The following TRPC3 variants were observed in gnomAD, a reference collection of about 807,000 sequenced individuals.
TRPC3 encodes the protein short transient receptor potential channel 3.
Under a neutral mutation model 90.9 loss-of-function variants are expected in TRPC3, and 54 were observed. The observed-to-expected ratio is 0.59, with a 90% CI of 0.48 to 0.75. The LOEUF (loss-of-function observed/expected upper bound fraction) is 0.75. Among genes scored for constraint, TRPC3 ranks in the 30% least tolerant of loss-of-function variants. The pLI, the probability that TRPC3 is intolerant of heterozygous loss-of-function variation, is 0.00. For missense variants in TRPC3, 918 were observed against 1,194.5 expected, an observed-to-expected ratio of 0.77 and a Z score of 3.41; for synonymous variants, 424 against 450.9, an observed-to-expected ratio of 0.94 and a Z score of 0.75.
chr4:121,879,966 A>G lies in TRPC3; in HGVS notation c.2624-88T>C. 3.1e-6 allele frequency: 4 copies of G among 1,310,050 alleles called. No individual in the cohort carries two copies. In the South Asian group the frequency reaches 6.8e-5, roughly 22 times the overall value. 81.2% of individuals were successfully genotyped at this position (1,310,050 alleles called of 1,614,324 possible). A position where few individuals can be genotyped will look rare whatever the true frequency, so the allele number is the denominator to read the frequency against. ...AGTGAAATTCTTACAATATCAATGT[A>G]TTTGCTTCATAAGGTCTCCAAGGTA... On this transcript the variant is annotated intron_variant, in intron 11 of 11. Coordinates refer to ENST00000379645, the MANE Select transcript of TRPC3 (RefSeq NM_001130698.2).
At chr4:121,921,935 T>TC (rs1302529384) in intron 3 of TRPC3, among the ~76,000 whole-genome samples, 2 of 149,524 alleles carry the variant, frequency 1.3e-5, no homozygotes, top group Admixed American at 6.6e-5. Context: ...TTTTTTTTTT[T>TC]CGAGTCGGAG....
At chr4:121,917,933 G>A (rs1729372515) in intron 3 of TRPC3, among the ~76,000 whole-genome samples, 1 of 152,202 alleles carries the variant, frequency 6.6e-6, no homozygotes, top group Non-Finnish European at 1.5e-5. Flanking sequence ...AGGTGGGCAT[G>A]TGTCTATATG....
At chr4:121,933,243 AG>A in intron 1 of TRPC3, 1 of 1,140,432 alleles carries the variant, frequency 8.8e-7, no homozygotes, top group Non-Finnish European at 1.1e-6. Context: ...AGATCCCAGA[AG>A]GAAGCCGGCA....
chr4:121,938,914 C>T (rs1321643833), intron 1 of TRPC3, among the ~76,000 whole-genome samples: 1 of 152,092 alleles, frequency 6.6e-6, no homozygotes, highest in African/African-American at 2.4e-5. Context: ...AGTCGAGACT[C>T]GTCTGTATGA....
chr4:121,902,974 T>C lies in TRPC3; in HGVS notation c.2341A>G (p.Ser781Gly), dbSNP rs1728753980. Residue 781 changes from serine to glycine, a missense_variant, in exon 9 of 12, where the codon AGT becomes GGT. Ser to Gly is a moderately conservative substitution (Grantham distance 56). Coordinates refer to ENST00000379645, the MANE Select transcript of TRPC3 (RefSeq NM_001130698.2). The part of the protein sequence containing the change: ...DDGKTLPPPF[S>G]LVPSPKSFVY... ...AATGATTTTGGACTAGGAACTAGAC[T>C]GAAAGGTGGAGGTAATGTTTTTCCA... is the stretch of plus-strand genomic sequence containing the variant. 6.2e-7 allele frequency: 1 copy of C among 1,613,552 alleles called. No individual in the cohort carries two copies. The highest frequency in any genetic ancestry group is 2.2e-5 in the East Asian group (1 of 44,814).
Position 121,918,927 on chromosome 4 carries a change from T to C in TRPC3, c.1177-3983A>G, listed in dbSNP as rs113963389. ...GGCAGTGACCTTTATACCTGAAAAGTGTTTTACCTCCTGAAAAATCTCCTT... is the reference window on the plus strand; with the variant it reads ...GGCAGTGACCTTTATACCTGAAAAGCGTTTTACCTCCTGAAAAATCTCCTT... On this transcript the variant is annotated intron_variant, in intron 3 of 11. Coordinates refer to ENST00000379645, the MANE Select transcript of TRPC3 (RefSeq NM_001130698.2). Among the ~76,000 whole-genome samples the C allele has an allele frequency of 8.6e-3, 1,311 of 152,362 alleles. 15 individuals are homozygous for C. The highest frequency in any genetic ancestry group is 0.029 in the African/African-American group (1,195 of 41,582).
In TRPC3 at chr4:121,951,538, T is replaced by A; in HGVS notation, c.143A>T (p.Glu48Val). The change falls in exon 1 of 12, where the codon GAG becomes GTG. Residue 48 changes from glutamate to valine, a missense_variant. Coordinates refer to ENST00000379645, the MANE Select transcript of TRPC3 (RefSeq NM_001130698.2). This position sits in a 1 kb window ranked among gnomAD's most constrained non-coding sequence, Gnocchi z 4.4. Reference protein sequence around the residue: ...RGWRGVNGGLEPRSAPSQREP... With the variant: ...RGWRGVNGGLVPRSAPSQREP... The stretch of plus-strand genomic sequence containing the variant: ...CCGCTGCGAGGGCGCCGAGCGCGGC[T>A]CCAGCCCCCCGTTGACGCCCCTCCA... 1 of 1,415,934 alleles carries A rather than the reference T, an allele frequency of 7.1e-7. No homozygotes were observed. The highest frequency in any genetic ancestry group is 9.2e-7 in the Non-Finnish European group (1 of 1,082,830). 87.7% of individuals were successfully genotyped at this position (1,415,934 alleles called of 1,614,324 possible).
rs1730763472 is a variant in TRPC3, at chr4:121,951,616, T to A, written c.65A>T (p.Glu22Val). The change falls in exon 1 of 12, where the codon GAG (glutamate) becomes GTG (valine). Residue 22 changes from glutamate to valine, a missense_variant. This residue lies in a region of TRPC3 where 609 missense variants were observed against 725.9 expected (regional missense o/e 0.84). Coordinates refer to ENST00000379645, the MANE Select transcript of TRPC3 (RefSeq NM_001130698.2). This position sits in a 1 kb window ranked among gnomAD's most constrained non-coding sequence, Gnocchi z 4.4. ...ARVTFPAPEE[E>V]EDEGEDEGAE... is the part of the protein sequence containing the mutation. ...GCCCTCGTCCTCGCCCTCGTCTTCCTCCTCCTCCGGCGCCGGGAAGGTCAC... is the reference window on the plus strand; with the variant it reads ...GCCCTCGTCCTCGCCCTCGTCTTCCACCTCCTCCGGCGCCGGGAAGGTCAC... The A allele has an allele frequency of 4.9e-6, 7 of 1,438,730 alleles. No individual in the cohort carries two copies. In the African/African-American group the frequency reaches 8.9e-5, roughly 18 times the overall value. 89.1% of individuals were successfully genotyped at this position (1,438,730 alleles called of 1,614,324 possible). A position where few individuals can be genotyped will look rare whatever the true frequency, so the allele number is the denominator to read the frequency against.
intron 8 of TRPC3, among the ~76,000 whole-genome samples, chr4:121,903,571 C>T (rs1728776482): frequency 6.6e-6 from 1 of 152,060 alleles, no homozygotes. Flanking sequence ...TCACATAAGC[C>T]CCTGAGTGCC....
Position 121,879,500 on chromosome 4 carries a change from A to G in TRPC3, c.*236T>C, listed in dbSNP as rs1233426259. 1 of 439,810 alleles carries G rather than the reference A, an allele frequency of 2.3e-6. No individual in the cohort carries two copies. Among genetic ancestry groups the G allele is most frequent in the Non-Finnish European group, 4.0e-6 (1 of 252,988 alleles). The allele number at this position is 439,810 out of a possible 1,614,324, so 27.2% of individuals were successfully genotyped here. ...TAAAATGAATAAAAGTTTCAATAAT[A>G]TAGTAATATTGGGCTTTTCAACACA... is the stretch of plus-strand genomic sequence containing the variant. On this transcript the variant is annotated 3_prime_UTR_variant, in exon 12 of 12. Transcript: ENST00000379645.
At chr4:121,936,526 T>C (rs1319047057) in intron 1 of TRPC3, among the ~76,000 whole-genome samples, 1 of 152,332 alleles carries the variant, frequency 6.6e-6, no homozygotes, top group African/African-American at 2.4e-5. Flanking sequence ...AGATAGCTGG[T>C]AATATCCAAC....
intron 4 of TRPC3, among the ~76,000 whole-genome samples, chr4:121,912,611 C>A (rs545350341): frequency 6.6e-6 from 1 of 152,018 alleles, no homozygotes; most frequent in Non-Finnish European, 1.5e-5. Flanking sequence ...TCAAGTTATA[C>A]CTGGTATGCT....
At position 121,916,493 on chromosome 4, in the gene TRPC3, G is replaced by C. The variant is rs150876962; in HGVS notation, c.1177-1549C>G. On this transcript the variant is annotated intron_variant, in intron 3 of 11. Transcript: ENST00000379645. ...GAGATTCTAAGCCTCAATGTGATGGGTATTAGAAAGCTAGGCTTTTGGGAG... is the reference window on the plus strand; with the variant it reads ...GAGATTCTAAGCCTCAATGTGATGGCTATTAGAAAGCTAGGCTTTTGGGAG... 7.2e-4 allele frequency among the ~76,000 whole-genome samples: 109 copies of C among 152,258 alleles called. 1 individual carries two copies. Among genetic ancestry groups the C allele is most frequent in the Admixed American group, 1.0e-3 (16 of 15,304 alleles).
At chr4:121,924,462 G>A (rs1729631357) in intron 3 of TRPC3, among the ~76,000 whole-genome samples, 1 of 152,152 alleles carries the variant, frequency 6.6e-6, no homozygotes, top group Non-Finnish European at 1.5e-5. Flanking sequence ...GTAAAAAGTA[G>A]AAAGGATCAG....
chr4:121,915,430 C>T (rs555328398), intron 3 of TRPC3, among the ~76,000 whole-genome samples: 2 of 152,284 alleles, frequency 1.3e-5, no homozygotes, highest in Admixed American at 1.3e-4. Context: ...CATAATGCAC[C>T]CTTTGTGTAA....
chr4:121,924,131 T>C (rs1553941100), intron 3 of TRPC3, among the ~76,000 whole-genome samples: 1 of 152,198 alleles, frequency 6.6e-6, no homozygotes, highest in Non-Finnish European at 1.5e-5. Flanking sequence ...ACCTTAGACA[T>C]GTCATTGAAG....
chr4:121,938,590 A>G (rs146496753), intron 1 of TRPC3, among the ~76,000 whole-genome samples: 122 of 152,328 alleles, frequency 8.0e-4, no homozygotes, highest in African/African-American at 2.7e-3. Context: ...ATGCACTATC[A>G]TATTTAACTC....
chr4:121,886,699 A>G (rs1216367040), intron 10 of TRPC3, among the ~76,000 whole-genome samples: 2 of 151,924 alleles, frequency 1.3e-5, no homozygotes, highest in Non-Finnish European at 2.9e-5. Flanking sequence ...TTTTTTCTGC[A>G]TTTTTTTGTT....
At chr4:121,915,017 T>G (rs979793261) in intron 3 of TRPC3, 73 bp from the exon 4 acceptor site, 1 of 1,319,840 alleles carries the variant, frequency 7.6e-7, no homozygotes, top group Non-Finnish European at 1.0e-6. Flanking sequence ...AGCTCAACTA[T>G]TAAATACACA....
Sources: allele counts gnomAD v4.1 joint callset (sites outside exome capture counted in the v4.1 genomes callset), GRCh38; gene constraint gnomAD v4.1.1; regional missense constraint gnomAD v4.1.1; non-coding constraint Gnocchi (gnomAD v3.1); transcripts MANE v1.5; gene names NCBI Gene and HGNC (gene_info 2026-07-23, HGNC 2026-07-21).